The following ROBO3 variants were observed in gnomAD, a reference collection of about 807,000 sequenced individuals.
ROBO3 encodes the protein roundabout homolog 3.
In ROBO3, 97 loss-of-function variants were observed where a neutral mutation model predicts 160.5. The observed-to-expected ratio is 0.60, with a 90% CI of 0.51 to 0.72. ROBO3 has a LOEUF of 0.72. Ranked by LOEUF, ROBO3 falls within the 30% of genes least tolerant of loss-of-function variation. The pLI is 0.00. For synonymous variants in ROBO3, 780 were observed against 746.2 expected, an observed-to-expected ratio of 1.05 and a Z score of -0.74; for missense variants, 1,858 against 1,846.5, an observed-to-expected ratio of 1.01 and a Z score of -0.11.
Position 124,878,117 on chromosome 11 carries a change from G to C in ROBO3, c.3167G>C (p.Ser1056Thr). 1 of 1,607,296 alleles carries C rather than the reference G, an allele frequency of 6.2e-7. No individual in the cohort carries two copies. The highest frequency in any genetic ancestry group is 8.5e-7 in the Non-Finnish European group (1 of 1,177,410). Residue 1056 changes from serine (S) to threonine (T), a missense_variant, in exon 21 of 28, where the codon AGC (serine) becomes ACC (threonine). Physicochemically the swap from Ser to Thr is moderately conservative, Grantham distance 58 (BLOSUM62 1). Transcript: ENST00000397801. The surrounding 1 kb of genome is among the most constrained non-coding windows in gnomAD (Gnocchi z 4.3). ...AGCCAGTACGCTCCTCCAGAGTGGA[G>C]CCAGGGGGACAGTGGTATGACTCCA... is the stretch of plus-strand genomic sequence containing the variant. Reference protein sequence around the residue: ...PWSQYAPPEWSQGDSGAKGGK... With the variant: ...PWSQYAPPEWTQGDSGAKGGK...
chr11:124,865,547 C>T lies in ROBO3; in HGVS notation c.-31C>T, dbSNP rs933276635. The T allele has an allele frequency of 8.7e-6, 14 of 1,604,682 alleles. No individual in the cohort carries two copies. The Middle Eastern group carries it at 6.7e-4, about 77-fold the overall frequency. On this transcript the variant is annotated 5_prime_UTR_variant, in exon 1 of 28. Transcript: ENST00000397801. The surrounding 1 kb of genome is among the most constrained non-coding windows in gnomAD (Gnocchi z 5.5). ...TCAGACCCAGGGGCTGGGCCCCCAGCCCCCAGTCCCGATCCCAGCTGGGTC... is the reference window on the plus strand; with the variant it reads ...TCAGACCCAGGGGCTGGGCCCCCAGTCCCCAGTCCCGATCCCAGCTGGGTC...
chr11:124,877,941 G>A lies in ROBO3; in HGVS notation c.2991G>A (p.Ala997=), dbSNP rs7933204. 1,076,151 of 1,593,628 alleles carry A rather than the reference G, an allele frequency of 0.68. 368,326 individuals are homozygous for A. Among genetic ancestry groups the A allele is most frequent in the African/African-American group, 0.83 (62,153 of 74,620 alleles). The stretch of plus-strand genomic sequence containing the variant: ...CTCCCTCTTTCTTCTCTGCAGAAGC[G>A]GGAATCTCCCTGTATCTAGCTCAGA... ...PDPDDRYYNE[A]GISLYLAQTA... The change falls in exon 21 of 28, where the codon GCG becomes GCA. Residue 997 remains alanine, a synonymous_variant. Transcript: ENST00000397801.
At position 124,880,701 on chromosome 11, in the gene ROBO3, G is replaced by C. The variant is rs934638476; in HGVS notation, c.4149+93G>C. On this transcript the variant is annotated intron_variant, in intron 27 of 27. Coordinates refer to ENST00000397801, the MANE Select transcript of ROBO3 (RefSeq NM_022370.4). ...AAAACAGGAAGGTGGGCAAGGGCTT[G>C]TGGAGGAGTGTCAAAAGGAGGGGAT... 3 of 1,437,256 alleles carry C rather than the reference G, an allele frequency of 2.1e-6. No individual in the cohort carries two copies. In the African/African-American group the frequency reaches 4.3e-5, roughly 21 times the overall value. 89.0% of individuals were successfully genotyped at this position (1,437,256 alleles called of 1,614,324 possible).
In ROBO3 at chr11:124,877,887, C is replaced by T. The variant is rs550916471; in HGVS notation, c.2987-50C>T. On this transcript the variant is annotated intron_variant, in intron 20 of 27. Transcript: ENST00000397801. Reference sequence around the variant, plus strand: ...TTCCCTTTGTCTTCCATTCTGTTGTCCTCTATGTTTCTGTCTCTGCTTCCG... The same window carrying T: ...TTCCCTTTGTCTTCCATTCTGTTGTTCTCTATGTTTCTGTCTCTGCTTCCG... 6 of 1,327,016 alleles carry T rather than the reference C, an allele frequency of 4.5e-6. No homozygotes were observed. The South Asian group carries it at 7.5e-5, about 17-fold the overall frequency. 82.2% of individuals were successfully genotyped at this position (1,327,016 alleles called of 1,614,324 possible).
chr11:124,878,183 A>G lies in ROBO3; in HGVS notation c.3181+52A>G. 1.3e-6 allele frequency: 2 copies of G among 1,566,114 alleles called. No homozygotes were observed. Among genetic ancestry groups the G allele is most frequent in the South Asian group, 1.2e-5 (1 of 85,828 alleles). On this transcript the variant is annotated intron_variant, in intron 21 of 27. Transcript: ENST00000397801. The surrounding 1 kb of genome is among the most constrained non-coding windows in gnomAD (Gnocchi z 4.3). ...TTTAGCCCTGACCAGGGTATCCCCA[A>G]AGAGGATCCTCCTCCCTGACCCTCT...
At chr11:124,877,889 T>C in intron 20 of ROBO3, 48 bp from the exon 21 acceptor site, 1 of 1,343,294 alleles carries the variant, frequency 7.4e-7, no homozygotes, top group Non-Finnish European at 1.0e-6. Flanking sequence ...TCTGTTGTCC[T>C]CTATGTTTCT....
chr11:124,881,098 G>T, intron 27 of ROBO3, 141 bp from the exon 28 acceptor site: 1 of 749,314 alleles, frequency 1.3e-6, no homozygotes, highest in South Asian at 1.7e-5. Context: ...GACAAGGGGT[G>T]AGGACAAGAT....
chr11:124,870,930 C>A, intron 6 of ROBO3, 84 bp from the exon 7 acceptor site: 1 of 1,556,796 alleles, frequency 6.4e-7, no homozygotes, highest in South Asian at 1.2e-5. Flanking sequence ...TTGAGCTAAG[C>A]TGGAGCTTCT....
Position 124,876,492 on chromosome 11 carries a change from G to T in ROBO3, c.2779+32G>T. 1 of 1,357,544 alleles carries T rather than the reference G, an allele frequency of 7.4e-7. No individual in the cohort carries two copies. The highest frequency in any genetic ancestry group is 1.9e-5 in the South Asian group (1 of 52,786). 84.1% of individuals were successfully genotyped at this position (1,357,544 alleles called of 1,614,324 possible). On this transcript the variant is annotated intron_variant, in intron 17 of 27. Coordinates refer to ENST00000397801, the MANE Select transcript of ROBO3 (RefSeq NM_022370.4). This position sits in a 1 kb window ranked among gnomAD's most constrained non-coding sequence, Gnocchi z 5.3. ...TCCCGGCCTCGGAGCGGACGGATCC[G>T]GGAGGGAGCCAGGCGGCCCATGGGG...
At position 124,870,312 on chromosome 11, in the gene ROBO3, C is replaced by T; in HGVS notation, c.905+9C>T. On this transcript the variant is annotated intron_variant, in intron 5 of 27. Transcript: ENST00000397801. ...GAACTGCCCACAGGCAGGTGAGAGA[C>T]CCCCTTCTGCCTGTAGGAAGACCCA... The T allele has an allele frequency of 1.2e-6, 2 of 1,611,504 alleles. No individual in the cohort carries two copies. Among genetic ancestry groups the T allele is most frequent in the Non-Finnish European group, 1.7e-6 (2 of 1,178,738 alleles).
At position 124,879,452 on chromosome 11, in the gene ROBO3, C is replaced by T. The variant is rs766981794; in HGVS notation, c.3686-13C>T. ...CCCTTACCCATTCCTCTTCCCGTCTCCTAACACTGCAGGCAGAACCTGGCA... is the reference window on the plus strand; with the variant it reads ...CCCTTACCCATTCCTCTTCCCGTCTTCTAACACTGCAGGCAGAACCTGGCA... On this transcript the variant is annotated splice_polypyrimidine_tract_variant and intron_variant, in intron 24 of 27. Transcript: ENST00000397801. 3.3e-5 allele frequency: 54 copies of T among 1,613,014 alleles called. No homozygotes were observed. Among genetic ancestry groups the T allele is most frequent in the Middle Eastern group, 1.6e-4 (1 of 6,084 alleles).
intron 19 of ROBO3, 49 bp downstream of exon 19, chr11:124,877,358 CTCT>C: frequency 6.2e-7 from 1 of 1,609,844 alleles, no homozygotes; most frequent in Non-Finnish European, 8.5e-7. Context: ...CGACAGGCCA[CTCT>C]TCTTCCGCCC....
chr11:124,865,566 C>G lies in ROBO3; in HGVS notation c.-12C>G. On this transcript the variant is annotated 5_prime_UTR_variant, in exon 1 of 28. Transcript: ENST00000397801. This position sits in a 1 kb window ranked among gnomAD's most constrained non-coding sequence, Gnocchi z 5.5. ...CCCCAGCCCCCAGTCCCGATCCCAGCTGGGTCGAGCCATGCTGCGCTACCT... is the reference window on the plus strand; with the variant it reads ...CCCCAGCCCCCAGTCCCGATCCCAGGTGGGTCGAGCCATGCTGCGCTACCT... 1 of 1,610,064 alleles carries G rather than the reference C, an allele frequency of 6.2e-7. No homozygotes were observed. The highest frequency in any genetic ancestry group is 8.5e-7 in the Non-Finnish European group (1 of 1,179,442).
At chr11:124,879,408 G>C in intron 24 of ROBO3, 57 bp from the exon 25 acceptor site, 1 of 1,608,274 alleles carries the variant, frequency 6.2e-7, no homozygotes. Context: ...TCACCCTTAG[G>C]CCTTTTTCCT....
At position 124,873,826 on chromosome 11, in the gene ROBO3, G is replaced by T. The variant is rs2135331064; in HGVS notation, c.1748G>T (p.Gly583Val). The T allele has an allele frequency of 6.2e-7, 1 of 1,613,702 alleles. No individual in the cohort carries two copies. Among genetic ancestry groups the T allele is most frequent in the East Asian group, 2.2e-5 (1 of 44,880 alleles). Reference protein sequence around the residue: ...TLTWKPNPQTGAAVTSYVIEA... With the variant: ...TLTWKPNPQTVAAVTSYVIEA... ...ACCTGGAAGCCCAACCCACAAACTG[G>T]GGCTGCAGTCACGTCTTATGTGATA... is the stretch of plus-strand genomic sequence containing the variant. The change falls in exon 11 of 28, where the codon GGG (glycine) becomes GTG (valine). Residue 583 changes from glycine (G) to valine (V), a missense_variant. Coordinates refer to ENST00000397801, the MANE Select transcript of ROBO3 (RefSeq NM_022370.4). The surrounding 1 kb of genome is among the most constrained non-coding windows in gnomAD (Gnocchi z 4.5).
chr11:124,873,392 G>A lies in ROBO3; in HGVS notation c.1618+1G>A. ...TGGAGCGGCTGGCTTAAGATGCGGG[G>A]TGAGTTTTTTCTTTCTTCCCTTATT... On this transcript the variant is annotated splice_donor_variant, in intron 10 of 27. Transcript: ENST00000397801. LOFTEE classifies it high-confidence loss of function. The surrounding 1 kb of genome is among the most constrained non-coding windows in gnomAD (Gnocchi z 4.5). The A allele has an allele frequency of 6.2e-7, 1 of 1,610,326 alleles. No homozygotes were observed. Among genetic ancestry groups the A allele is most frequent in the South Asian group, 1.1e-5 (1 of 89,976 alleles).
At position 124,873,499 on chromosome 11, in the gene ROBO3, G is replaced by T. The variant is rs1395760216; in HGVS notation, c.1618+108G>T. The T allele has an allele frequency of 4.1e-5, 46 of 1,132,648 alleles. No homozygotes were observed. The highest frequency in any genetic ancestry group is 6.0e-5 in the Non-Finnish European group (46 of 772,762). 70.2% of individuals were successfully genotyped at this position (1,132,648 alleles called of 1,614,324 possible). ...CCGGGATTAACTTTATGTCACAAAT[G>T]CCATGGTTACGGTGGTGAGGATGAG... On this transcript the variant is annotated intron_variant, in intron 10 of 27. Coordinates refer to ENST00000397801, the MANE Select transcript of ROBO3 (RefSeq NM_022370.4). The surrounding 1 kb of genome is among the most constrained non-coding windows in gnomAD (Gnocchi z 4.5).
chr11:124,876,141 G>A lies in ROBO3; in HGVS notation c.2593+16G>A, dbSNP rs747605535. 22 of 1,589,794 alleles carry A rather than the reference G, an allele frequency of 1.4e-5. No homozygotes were observed. The highest frequency in any genetic ancestry group is 1.7e-5 in the Non-Finnish European group (20 of 1,172,082). On this transcript the variant is annotated intron_variant, in intron 16 of 27. Coordinates refer to ENST00000397801, the MANE Select transcript of ROBO3 (RefSeq NM_022370.4). The surrounding 1 kb of genome is among the most constrained non-coding windows in gnomAD (Gnocchi z 5.3). ...GTGCAGCTGCGTGAGTCCACCCGAG[G>A]GCAGTGCTGAGGATCTTGACGGGGG...
rs12363991 is a variant in ROBO3, at chr11:124,876,264, G to T, written c.2594-11G>T. 1 of 1,481,246 alleles carries T rather than the reference G, an allele frequency of 6.8e-7. No individual in the cohort carries two copies. The highest frequency in any genetic ancestry group is 1.4e-5 in the South Asian group (1 of 71,348). The allele number at this position is 1,481,246 out of a possible 1,614,324, so 91.8% of individuals were successfully genotyped here. A position where few individuals can be genotyped will look rare whatever the true frequency, so the allele number is the denominator to read the frequency against. On this transcript the variant is annotated splice_polypyrimidine_tract_variant and intron_variant, in intron 16 of 27. Coordinates refer to ENST00000397801, the MANE Select transcript of ROBO3 (RefSeq NM_022370.4). This position sits in a 1 kb window ranked among gnomAD's most constrained non-coding sequence, Gnocchi z 5.3. ...GGGCCCCTCCTCCCCTCACTTCTCT[G>T]ACCCCCACAGCGTCCCCGCCGGACC...
Sources: gnomAD v4.1 joint callset for allele counts on GRCh38, gnomAD v4.1.1 for gene constraint, Gnocchi (gnomAD v3.1) non-coding constraint, MANE v1.5 for transcripts, NCBI Gene and HGNC (gene_info 2026-07-23, HGNC 2026-07-21) for gene names.